Variants in TNRC18 observed in about 807,000 individuals in gnomAD.
TNRC18 encodes trinucleotide repeat-containing gene 18 protein.
A neutral mutation model predicts 226.7 loss-of-function variants in TNRC18; 69 were observed. The ratio of observed to expected loss-of-function variants is 0.30; its 90% CI spans 0.25 to 0.37. The LOEUF is 0.37. TNRC18 is among the 10% of genes least tolerant of loss of function. TNRC18 has a pLI of 1.00. For synonymous variants in TNRC18, 2,449 were observed against 1,927.6 expected, an observed-to-expected ratio of 1.27 and a Z score of -7.09; for missense variants, 4,754 against 4,256.6, an observed-to-expected ratio of 1.12 and a Z score of -3.25.
chr7:5,362,101 C>A (rs1793118211), intron 12 of TNRC18, 68 bp from the exon 13 acceptor site: 3 of 1,564,596 alleles, frequency 1.9e-6, no homozygotes, highest in Non-Finnish European at 2.6e-6. Flanking sequence ...CACCGCCCAC[C>A]CAGGGGTGCC....
intron 8 of TNRC18, 124 bp from the exon 9 acceptor site, chr7:5,376,348 G>A (rs1794675767): frequency 3.3e-6 from 3 of 905,218 alleles, no homozygotes; most frequent in South Asian, 3.7e-5. Context: ...GCTCTCTGCG[G>A]GCCCCCGGCT....
Position 5,313,722 on chromosome 7 carries a change from C to G in TNRC18, c.7169G>C (p.Arg2390Pro). 6.3e-7 allele frequency: 1 copy of G among 1,582,002 alleles called. No homozygotes were observed. The highest frequency in any genetic ancestry group is 8.6e-7 in the Non-Finnish European group (1 of 1,164,368). The change falls in exon 27 of 30, where the codon CGC becomes CCC. Residue 2390 changes from arginine (R) to proline (P), a missense_variant. Transcript: ENST00000430969. ...GGGACTGGGCTGCGGCGGTGCCGGG[C>G]GCGCCTTGGGGGCCTTGGCTCGCTT... ...VDKRAKAPKARPAPPQPSPAP... is the reference protein window; with the variant it reads ...VDKRAKAPKAPPAPPQPSPAP...
At position 5,312,911 on chromosome 7, in the gene TNRC18, G is replaced by A. The variant is rs369636346; in HGVS notation, c.7980C>T (p.Ser2660=). Residue 2660 remains serine, a synonymous_variant, in exon 27 of 30, where the codon TCC becomes TCT. Coordinates refer to ENST00000430969, the MANE Select transcript of TNRC18 (RefSeq NM_001080495.3). This position sits in a 1 kb window ranked among gnomAD's most constrained non-coding sequence, Gnocchi z 6.3. Reference sequence around the variant, plus strand: ...AAGAGGAGGAAGAGGAGGAGGAGGAGGAGGATGAGGACGAGGAAGAGGAGG... The same window carrying A: ...AAGAGGAGGAAGAGGAGGAGGAGGAAGAGGATGAGGACGAGGAAGAGGAGG... The part of the protein sequence containing the change: ...SSSSSSSSSS[S]SSSSSSSSSS... The A allele has an allele frequency of 8.7e-6, 13 of 1,501,270 alleles. No homozygotes were observed. Among genetic ancestry groups the A allele is most frequent in the Non-Finnish European group, 1.2e-5 (13 of 1,117,460 alleles). 93.0% of individuals were successfully genotyped at this position (1,501,270 alleles called of 1,614,324 possible).
intron 9 of TNRC18, 105 bp from the exon 10 acceptor site, chr7:5,374,589 T>G (rs933802149): frequency 8.3e-7 from 1 of 1,201,202 alleles, no homozygotes; most frequent in Non-Finnish European, 1.1e-6. Flanking sequence ...GAGGAGAACC[T>G]CATGCAGGGC....
Position 5,374,201 on chromosome 7 carries a change from C to CCGG in TNRC18, c.3082_3083insCCG (p.Ser1028delinsThrGly). 1 of 738,480 alleles carries CCGG rather than the reference C, an allele frequency of 1.4e-6. No homozygotes were observed. The highest frequency in any genetic ancestry group is 1.6e-6 in the Non-Finnish European group (1 of 618,628). 45.7% of individuals were successfully genotyped at this position (738,480 alleles called of 1,614,324 possible). On this transcript the variant is annotated protein_altering_variant, in exon 10 of 30. Coordinates refer to ENST00000430969, the MANE Select transcript of TNRC18 (RefSeq NM_001080495.3). ...GGGCGGCGGGCTGGTGGGGTGGGAG[C>CCGG]TGGGGGTGGCGGGGTAGGCGTAGGC...
In TNRC18 at chr7:5,307,447, C is replaced by T. The variant is rs549893857; in HGVS notation, c.*659G>A. ...ACAGTTTCAGCACCATTGGGGTTTT[C>T]TGTAGTGTGAGGGTTTGGACCAGGG... On this transcript the variant is annotated 3_prime_UTR_variant, in exon 30 of 30. Transcript: ENST00000430969. The T allele has an allele frequency of 7.8e-6, 3 of 384,854 alleles. No homozygotes were observed. The highest frequency in any genetic ancestry group is 6.3e-5 in the African/African-American group (3 of 47,384). 23.8% of individuals were successfully genotyped at this position (384,854 alleles called of 1,614,324 possible).
chr7:5,345,545 C>CCCCCCCCCCCCT lies in TNRC18; in HGVS notation c.5719+16_5719+17insAGGGGGGGGGGG. On this transcript the variant is annotated intron_variant, in intron 18 of 29. Coordinates refer to ENST00000430969, the MANE Select transcript of TNRC18 (RefSeq NM_001080495.3). ...CCTCCCACCCACCCCCACCGCAGCC[C>CCCCCCCCCCCCT]ACCTGCTGCCACTTACCCAGCAGGC... is the stretch of plus-strand genomic sequence containing the variant. The CCCCCCCCCCCCT allele has an allele frequency of 7.0e-7, 1 of 1,430,636 alleles. No individual in the cohort carries two copies. Among genetic ancestry groups the CCCCCCCCCCCCT allele is most frequent in the South Asian group, 1.4e-5 (1 of 70,246 alleles). 88.6% of individuals were successfully genotyped at this position (1,430,636 alleles called of 1,614,324 possible).
chr7:5,378,295 T>G (rs1256623562), intron 5 of TNRC18, among the ~76,000 whole-genome samples: 1 of 152,216 alleles, frequency 6.6e-6, no homozygotes, highest in East Asian at 1.9e-4. Context: ...CAGACAACCG[T>G]GGCGATAATT....
intron 19 of TNRC18, among the ~76,000 whole-genome samples, chr7:5,327,739 T>G (rs1283508775): frequency 6.6e-6 from 1 of 152,070 alleles, no homozygotes; most frequent in African/African-American, 2.4e-5. Flanking sequence ...TTCCCCTACT[T>G]TTTTGTAAAA....
intron 24 of TNRC18, 88 bp downstream of exon 24, chr7:5,320,230 A>T: frequency 9.8e-7 from 1 of 1,019,110 alleles, no homozygotes; most frequent in Non-Finnish European, 1.5e-6. Context: ...CTTTATTCTT[A>T]AGCCAGTTAG....
intron 2 of TNRC18, among the ~76,000 whole-genome samples, chr7:5,404,333 T>C (rs891256969): frequency 1.3e-5 from 2 of 151,768 alleles, no homozygotes; most frequent in African/African-American, 4.8e-5. Context: ...ATCACGCCAC[T>C]GCACTCCAGC....
chr7:5,321,237 C>T (rs376259888), intron 21 of TNRC18, 47 bp from the exon 22 acceptor site: 26 of 1,346,876 alleles, frequency 1.9e-5, no homozygotes, highest in Middle Eastern at 2.5e-4. Flanking sequence ...GGGGCGTCTG[C>T]GACACCTCTC....
intron 2 of TNRC18, 71 bp downstream of exon 2, chr7:5,420,989 C>T: frequency 6.5e-7 from 1 of 1,536,340 alleles, no homozygotes; most frequent in Non-Finnish European, 8.8e-7. Flanking sequence ...GCCGCGAGTG[C>T]ACAGGAGGAC....
At chr7:5,334,197 T>C (rs547735167) in intron 18 of TNRC18, among the ~76,000 whole-genome samples, 290 of 152,316 alleles carry the variant, frequency 1.9e-3, no homozygotes, top group African/African-American at 6.7e-3. Context: ...AGAGGCTTGC[T>C]CTGCACTGCC....
In TNRC18 at chr7:5,388,446, C is replaced by CGTAGGCGCGGGG. The variant is rs1779989950; in HGVS notation, c.1366_1377dup (p.Pro456_Tyr459dup). 2.1e-6 allele frequency: 3 copies of CGTAGGCGCGGGG among 1,459,566 alleles called. No individual in the cohort carries two copies. Among genetic ancestry groups the CGTAGGCGCGGGG allele is most frequent in the African/African-American group, 3.0e-5 (2 of 66,434 alleles). 90.4% of individuals were successfully genotyped at this position (1,459,566 alleles called of 1,614,324 possible). On this transcript the variant is annotated inframe_insertion, in exon 5 of 30. Coordinates refer to ENST00000430969, the MANE Select transcript of TNRC18 (RefSeq NM_001080495.3). ...GGCTTGAGCAGCTCCTTGGCAGGCA[C>CGTAGGCGCGGGG]GTAGGCGCGGGGGTCCGGGGAGGCG... is the stretch of plus-strand genomic sequence containing the variant.
rs186189045 is a variant in TNRC18 at position 5,410,275 on chromosome 7, C to A, written c.187+10785G>T. ...GCAATGAGCCAAGATCATGCCACTGCCCTCCACCCTGGGCAACAGAGCAAG... is the reference window on the plus strand; with the variant it reads ...GCAATGAGCCAAGATCATGCCACTGACCTCCACCCTGGGCAACAGAGCAAG... On this transcript the variant is annotated intron_variant, in intron 2 of 29. Coordinates refer to ENST00000430969, the MANE Select transcript of TNRC18 (RefSeq NM_001080495.3). 6.8e-3 allele frequency among the ~76,000 whole-genome samples: 999 copies of A among 147,782 alleles called. 12 individuals carry two copies. Among genetic ancestry groups the A allele is most frequent in the South Asian group, 0.019 (89 of 4,690 alleles).
chr7:5,383,317 G>A (rs1414835713), intron 5 of TNRC18, among the ~76,000 whole-genome samples: 1 of 152,156 alleles, frequency 6.6e-6, no homozygotes, highest in African/African-American at 2.4e-5. Flanking sequence ...GCCCCCTGAG[G>A]CCAGACCTAG....
intron 14 of TNRC18, 96 bp from the exon 15 acceptor site, chr7:5,359,665 C>T: frequency 2.8e-6 from 4 of 1,431,872 alleles, no homozygotes; most frequent in Non-Finnish European, 2.9e-6. Context: ...GGCTCTGGAC[C>T]CTGAGCGTGG....
At position 5,387,627 on chromosome 7, in the gene TNRC18, G is replaced by A. The variant is rs753136243; in HGVS notation, c.2152+45C>T. ...ACTGTAATGTACGGGAAACGGCAGAGAGACCCAAGATCCTACCCGCACCTG... is the reference window on the plus strand; with the variant it reads ...ACTGTAATGTACGGGAAACGGCAGAAAGACCCAAGATCCTACCCGCACCTG... On this transcript the variant is annotated intron_variant, in intron 5 of 29. Coordinates refer to ENST00000430969, the MANE Select transcript of TNRC18 (RefSeq NM_001080495.3). 6 of 1,595,714 alleles carry A rather than the reference G, an allele frequency of 3.8e-6. No homozygotes were observed. In the African/African-American group the frequency reaches 5.4e-5, roughly 14 times the overall value.
Sources: gnomAD v4.1 joint callset for allele counts (sites outside exome capture counted in the v4.1 genomes callset) on GRCh38, gnomAD v4.1.1 for gene constraint, Gnocchi (gnomAD v3.1) non-coding constraint, MANE v1.5 for transcripts, NCBI Gene and HGNC (gene_info 2026-07-23, HGNC 2026-07-21) for gene names.